The following PUM1 variants were observed in gnomAD, a reference collection of about 807,000 sequenced individuals.
The protein encoded by PUM1 is pumilio homolog 1.
In PUM1, 13 loss-of-function variants were observed where a neutral mutation model predicts 131.8. The ratio of observed to expected loss-of-function variants is 0.10; its 90% CI spans 0.06 to 0.16. The LOEUF is 0.16. Among genes scored for constraint, PUM1 ranks in the 10% least tolerant of loss-of-function variants. The probability of loss-of-function intolerance (pLI) is 1.00; values close to 1 mark genes in which losing one functional copy is unlikely to be tolerated. For missense variants in PUM1, 961 were observed against 1,512.4 expected (o/e 0.64, Z 6.05); for synonymous variants, 509 against 556.5 (o/e 0.91, Z 1.20).
intron 6 of PUM1, among the ~76,000 whole-genome samples, chr1:30,993,641 C>G (rs12130695): frequency 0.28 from 43,141 of 151,988 alleles, 6,606 homozygotes; most frequent in Non-Finnish European, 0.34. Flanking sequence ...CTCACCACCA[C>G]CACCACCAGC....
At chr1:31,020,811 T>C (rs1642992231) in intron 3 of PUM1, among the ~76,000 whole-genome samples, 1 of 152,044 alleles carries the variant, frequency 6.6e-6, no homozygotes. Context: ...ACACAGAAAA[T>C]AAACTTTTGC....
chr1:30,942,866 C>T (rs966344536), intron 18 of PUM1, among the ~76,000 whole-genome samples: 3 of 152,166 alleles, frequency 2.0e-5, no homozygotes, highest in African/African-American at 7.2e-5. Flanking sequence ...ATCCTCCTGC[C>T]TCAGCTTCCC....
At chr1:30,945,016 T>C (rs1639611278) in intron 18 of PUM1, among the ~76,000 whole-genome samples, 1 of 152,180 alleles carries the variant, frequency 6.6e-6, no homozygotes, top group African/African-American at 2.4e-5. Flanking sequence ...GTGGATTGCT[T>C]GAGTGCAGGA....
chr1:30,973,295 T>G (rs1406554937), intron 10 of PUM1, among the ~76,000 whole-genome samples: 9 of 151,532 alleles, frequency 5.9e-5, no homozygotes, highest in Admixed American at 5.9e-4. Flanking sequence ...TGAGTAAGAC[T>G]GATGTCAAGC....
chr1:30,976,790 T>C (rs1641152458), intron 9 of PUM1, among the ~76,000 whole-genome samples: 1 of 151,854 alleles, frequency 6.6e-6, no homozygotes, highest in Non-Finnish European at 1.5e-5. Context: ...CATTTTTTAA[T>C]TTGTCAGAAA....
At chr1:30,989,571 C>CAAAAAAAAAAAAAAAAAA (rs1174565063) in intron 7 of PUM1, among the ~76,000 whole-genome samples, 4 of 27,696 alleles carry the variant, frequency 1.4e-4, no homozygotes, top group African/African-American at 5.4e-4. Flanking sequence ...GACTCCGTCT[C>CAAAAAAAAAAAAAAAAAA]AAAAAAAAAA....
chr1:31,050,611 T>C (rs776065321), intron 2 of PUM1, among the ~76,000 whole-genome samples: 1 of 152,152 alleles, frequency 6.6e-6, no homozygotes, highest in African/African-American at 2.4e-5. Flanking sequence ...ATATGAAAGA[T>C]GGATTATTCA....
At chr1:31,048,458 TTTC>T (rs912178025) in intron 2 of PUM1, among the ~76,000 whole-genome samples, 8 of 151,210 alleles carry the variant, frequency 5.3e-5, no homozygotes, top group Non-Finnish European at 1.0e-4. Flanking sequence ...TTTTTTCTTT[TTTC>T]TTTTTATTTT....
chr1:30,999,606 CAAAAAAAAAAAAAAAAAAA>C (rs56936440), intron 5 of PUM1, among the ~76,000 whole-genome samples: 592 of 53,992 alleles, frequency 0.011, 10 homozygotes, highest in African/African-American at 0.036. Context: ...GACTCTGTCT[CAAAAAAAAAAAAAAAAAAA>C]AAAAAAAAAA....
At chr1:30,938,002 C>A (rs1008427367) in intron 20 of PUM1, among the ~76,000 whole-genome samples, 1 of 152,000 alleles carries the variant, frequency 6.6e-6, no homozygotes, top group South Asian at 2.1e-4. Context: ...AAACTCCCAA[C>A]CTCAAGCAAT....
At chr1:31,038,984 A>ATATATATATATATATATATATT in intron 2 of PUM1, among the ~76,000 whole-genome samples, 27 of 49,386 alleles carry the variant, frequency 5.5e-4, no homozygotes, top group Non-Finnish European at 6.4e-4. Flanking sequence ...ATATATATAT[A>ATATATATATATATATATATATT]TTTTTTTTTT....
intron 15 of PUM1, 117 bp downstream of exon 15, chr1:30,953,597 G>T: frequency 1.8e-6 from 2 of 1,096,424 alleles, no homozygotes; most frequent in Non-Finnish European, 2.7e-6. Flanking sequence ...CAAACTAAGA[G>T]GCACGCTTTT....
chr1:30,974,305 C>A (rs1473315516), intron 10 of PUM1, among the ~76,000 whole-genome samples: 1 of 152,182 alleles, frequency 6.6e-6, no homozygotes, highest in Non-Finnish European at 1.5e-5. Context: ...AAGCCCCTTG[C>A]AAAACCCTGA....
At chr1:30,968,029 A>G in intron 11 of PUM1, 1 of 356,568 alleles carries the variant, frequency 2.8e-6, no homozygotes, top group Non-Finnish European at 5.5e-6. Context: ...ACATCAACAT[A>G]AAGACTAAGC....
chr1:31,065,663 T>TAGAG lies in PUM1; in HGVS notation c.-60_-59insCTCT. The TAGAG allele has an allele frequency of 6.5e-7, 1 of 1,549,668 alleles. No homozygotes were observed. Among genetic ancestry groups the TAGAG allele is most frequent in the Non-Finnish European group, 8.7e-7 (1 of 1,146,798 alleles). On this transcript the variant is annotated 5_prime_UTR_variant, in exon 1 of 22. Transcript: ENST00000426105. The stretch of plus-strand genomic sequence containing the variant: ...TGGATTTCAGCCCCCCGATCTTCTC[T>TAGAG]CTCTGGCGCTCTCGCTCCCCCTTAC...
chr1:31,024,041 G>C (rs1643134657), intron 3 of PUM1, among the ~76,000 whole-genome samples: 1 of 151,690 alleles, frequency 6.6e-6, no homozygotes. Flanking sequence ...AAAAAGGCCA[G>C]AACAATTCCT....
intron 4 of PUM1, 66 bp downstream of exon 4, chr1:31,006,928 C>T (rs1642418852): frequency 4.0e-6 from 5 of 1,256,992 alleles, no homozygotes; most frequent in Non-Finnish European, 5.7e-6. Flanking sequence ...CATGACTTGC[C>T]AATTGCTGAG....
chr1:30,999,606 C>CAAAAAAAA lies in PUM1; in HGVS notation c.721-4394_721-4387dup, dbSNP rs56936440. Among the ~76,000 whole-genome samples, 15 of 53,978 alleles carry CAAAAAAAA rather than the reference C, an allele frequency of 2.8e-4. 1 individual carries two copies. The highest frequency in any genetic ancestry group is 1.0e-3 in the African/African-American group (15 of 14,446). 35.4% of individuals were successfully genotyped at this position (53,978 alleles called of 152,430 possible). On this transcript the variant is annotated intron_variant, in intron 5 of 21. Coordinates refer to ENST00000426105, the MANE Select transcript of PUM1 (RefSeq NM_001020658.2). ...TGGGTGACAGAGCAAGACTCTGTCT[C>CAAAAAAAA]AAAAAAAAAAAAAAAAAAAAAAAAA...
In PUM1 at chr1:30,995,436, T is replaced by A. The variant is rs147891670; in HGVS notation, c.721-216A>T. 2.0e-5 allele frequency among the ~76,000 whole-genome samples: 3 copies of A among 152,296 alleles called. No homozygotes were observed. In the East Asian group the frequency reaches 5.8e-4, roughly 29 times the overall value. On this transcript the variant is annotated intron_variant, in intron 5 of 21. Transcript: ENST00000426105. ...CAGACATACATTTATGTTACAGAGT[T>A]CAGAACAGTCTTACTATATCCAATG...
Sources: gnomAD v4.1 joint callset for allele counts (sites outside exome capture counted in the v4.1 genomes callset) on GRCh38, gnomAD v4.1.1 for gene constraint, MANE v1.5 for transcripts, NCBI Gene and HGNC (gene_info 2026-07-23, HGNC 2026-07-21) for gene names.